A2ML1: variants seen among roughly 807,000 people sequenced by gnomAD.
A2ML1 encodes the protein alpha-2-macroglobulin like 1, also known as alpha-2-macroglobulin-like protein 1.
In A2ML1, 161 loss-of-function variants were observed where a neutral mutation model predicts 181.9. The ratio of observed to expected loss-of-function variants is 0.89; its 90% CI spans 0.78 to 1.01. The LOEUF is 1.01. A2ML1 is among the 50% of genes least tolerant of loss of function. The pLI is 0.00. For synonymous variants in A2ML1, 663 were observed against 666.8 expected (o/e 0.99, Z 0.09); for missense variants, 1,670 against 1,768.1 (o/e 0.94, Z 1.00).
At chr12:8,860,294 C>T (rs1035644748) in intron 26 of A2ML1, among the ~76,000 whole-genome samples, 22 of 152,164 alleles carry the variant, frequency 1.4e-4, no homozygotes, top group African/African-American at 5.1e-4. Flanking sequence ...TCCTCCCCAC[C>T]GACTTGGCCT....
intron 23 of A2ML1, among the ~76,000 whole-genome samples, chr12:8,856,390 G>A (rs1029656726): frequency 2.0e-5 from 3 of 152,168 alleles, no homozygotes; most frequent in African/African-American, 7.2e-5. Context: ...TTTCTTTTGT[G>A]TTCCTAGTAC....
chr12:8,864,123 G>T (rs181661028), intron 29 of A2ML1, 115 bp downstream of exon 29: 1 of 891,450 alleles, frequency 1.1e-6, no homozygotes, highest in Non-Finnish European at 1.7e-6. Flanking sequence ...GAGAGGAAAA[G>T]CCTGTGAACA....
At chr12:8,842,311 C>T (rs191385304) in intron 11 of A2ML1, among the ~76,000 whole-genome samples, 33 of 151,976 alleles carry the variant, frequency 2.2e-4, no homozygotes, top group Admixed American at 7.2e-4. Flanking sequence ...TCCGCCTCCC[C>T]GGTTCACGCC....
intron 33 of A2ML1, 95 bp downstream of exon 33, chr12:8,869,298 G>A (rs1209375953): frequency 5.4e-6 from 7 of 1,290,714 alleles, no homozygotes; most frequent in Non-Finnish European, 7.8e-6. Context: ...CACACATGGG[G>A]ATGAGGGGCC....
Position 8,846,099 on chromosome 12 carries a change from C to T in A2ML1, c.1560C>T (p.Leu520=). The T allele has an allele frequency of 6.2e-7, 1 of 1,614,174 alleles. No homozygotes were observed. Among genetic ancestry groups the T allele is most frequent in the South Asian group, 1.1e-5 (1 of 91,082 alleles). ...CAGGACTGAAAGCCTCCTTCTCTCTCTCACTGACCTTCACTTCGAGACTGG... is the reference window on the plus strand; with the variant it reads ...CAGGACTGAAAGCCTCCTTCTCTCTTTCACTGACCTTCACTTCGAGACTGG... ...KKKGLKASFS[L]SLTFTSRLAP... Residue 520 remains leucine (L), a synonymous_variant, in exon 14 of 36, where the codon CTC becomes CTT. Transcript: ENST00000299698.
At chr12:8,826,731 G>A (rs966301428) in intron 3 of A2ML1, among the ~76,000 whole-genome samples, 7 of 152,124 alleles carry the variant, frequency 4.6e-5, no homozygotes, top group African/African-American at 1.4e-4. Flanking sequence ...TGATTCTCCT[G>A]CCTCAGCCTC....
At chr12:8,839,353 T>C in intron 10 of A2ML1, 131 bp downstream of exon 10, 1 of 573,350 alleles carries the variant, frequency 1.7e-6, no homozygotes, top group Admixed American at 3.2e-5. Context: ...TTTTAATCTT[T>C]AGAATAATGC....
chr12:8,844,702 A>G (rs1043265621), intron 12 of A2ML1, among the ~76,000 whole-genome samples: 2 of 145,910 alleles, frequency 1.4e-5, no homozygotes, highest in Admixed American at 6.9e-5. Context: ...TCGTTAAGTG[A>G]AAAAAAAAAA....
rs762038761 is a variant in A2ML1 at position 8,837,355 on chromosome 12, G to C, written c.729-85G>C. 34 of 1,557,246 alleles carry C rather than the reference G, an allele frequency of 2.2e-5. No homozygotes were observed. In the South Asian group the frequency reaches 2.7e-4, roughly 12 times the overall value. ...AGCTTTCTTTCAGAGGCTGGAGTGTGAGAGGGAAGAAGTGGTGTTTGAGGG... is the reference window on the plus strand; with the variant it reads ...AGCTTTCTTTCAGAGGCTGGAGTGTCAGAGGGAAGAAGTGGTGTTTGAGGG... On this transcript the variant is annotated intron_variant, in intron 7 of 35. Transcript: ENST00000299698.
chr12:8,844,852 A>C, intron 12 of A2ML1: 1 of 394,288 alleles, frequency 2.5e-6, no homozygotes, highest in Non-Finnish European at 3.9e-6. Context: ...TGGAATGGCT[A>C]ATGCTGGGCA....
rs889350091 is a variant in A2ML1 at position 8,868,130 on chromosome 12, T to C, written c.3933+73T>C. 35 of 1,608,490 alleles carry C rather than the reference T, an allele frequency of 2.2e-5. No individual in the cohort carries two copies. In the Admixed American group the frequency reaches 5.9e-4, roughly 27 times the overall value. On this transcript the variant is annotated intron_variant, in intron 30 of 35. Transcript: ENST00000299698. ...GAGAGCATCTTCCCCTTAGGCCTTC[T>C]CTCTCTCTTTCTTTCTCACTTGTAA... is the stretch of plus-strand genomic sequence containing the variant.
chr12:8,868,421 C>T (rs1487463576), intron 31 of A2ML1, 64 bp downstream of exon 31: 1 of 1,597,388 alleles, frequency 6.3e-7, no homozygotes, highest in African/African-American at 1.4e-5. Context: ...AGCTGGGACA[C>T]TTGTGTGTGT....
In A2ML1 at chr12:8,841,376, T is replaced by C. The variant is rs1287355002; in HGVS notation, c.1088T>C (p.Val363Ala). 6.2e-7 allele frequency: 1 copy of C among 1,613,916 alleles called. No homozygotes were observed. The highest frequency in any genetic ancestry group is 8.5e-7 in the Non-Finnish European group (1 of 1,180,002). ...PNFPFSGKIR[V>A]RGHDDSFLKN... ...ATGATCTTTGTCCTTCAGATAAGAG[T>C]TAGGGGCCATGATGACTCCTTCCTC... is the stretch of plus-strand genomic sequence containing the variant. The change falls in exon 11 of 36, where the codon GTT becomes GCT. Residue 363 changes from valine (V) to alanine (A), a missense_variant. Physicochemically the swap from Val to Ala is moderately conservative, Grantham distance 64 (BLOSUM62 0). Coordinates refer to ENST00000299698, the MANE Select transcript of A2ML1 (RefSeq NM_144670.6).
chr12:8,854,893 T>C (rs1389279348), intron 22 of A2ML1, 62 bp downstream of exon 22: 12 of 1,512,448 alleles, frequency 7.9e-6, no homozygotes, highest in Non-Finnish European at 1.1e-5. Context: ...AGATTTTCTT[T>C]TCATTTTTTT....
intron 33 of A2ML1, among the ~76,000 whole-genome samples, chr12:8,873,994 G>T (rs1000431199): frequency 2.6e-5 from 4 of 151,916 alleles, no homozygotes; most frequent in African/African-American, 9.7e-5. Flanking sequence ...GGGTTTCAGA[G>T]AATCTTTTTT....
At chr12:8,839,422 TAA>T (rs1943394219) in intron 10 of A2ML1, among the ~76,000 whole-genome samples, 200 bp downstream of exon 10, 1 of 152,194 alleles carries the variant, frequency 6.6e-6, no homozygotes, top group African/African-American at 2.4e-5. Context: ...CAACAGAGGC[TAA>T]GTGATTTTTC....
rs750487471 is a variant in A2ML1 at position 8,857,978 on chromosome 12, A to G, written c.3140A>G (p.Gln1047Arg). 6.2e-7 allele frequency: 1 copy of G among 1,614,190 alleles called. No homozygotes were observed. The highest frequency in any genetic ancestry group is 8.5e-7 in the Non-Finnish European group (1 of 1,180,038). Residue 1047 changes from glutamine (Q) to arginine (R), a missense_variant, in exon 26 of 36, where the codon CAA becomes CGA. Physicochemically the swap from Gln to Arg is conservative, Grantham distance 43. Transcript: ENST00000299698. ...GCGTTTGTCACAAAATGCTTTGGCC[A>G]AGCTCAGAAATTCATCTTCATTGAT... The part of the protein sequence containing the change: ...LTAFVTKCFG[Q>R]AQKFIFIDPK...
chr12:8,884,319 T>C (rs922608479), intron 7 of A2ML1, among the ~76,000 whole-genome samples: 13 of 151,320 alleles, frequency 8.6e-5, no homozygotes, highest in Non-Finnish European at 1.9e-4. Flanking sequence ...GTTTGTTACA[T>C]AGGTAAACAC....
intron 10 of A2ML1, among the ~76,000 whole-genome samples, chr12:8,840,796 A>G (rs1047826262): frequency 2.6e-5 from 4 of 151,798 alleles, no homozygotes; most frequent in East Asian, 1.9e-4. Flanking sequence ...TAGTCCCACT[A>G]CTTGGGAGGC....
Sources: gnomAD v4.1 joint callset for allele counts (sites outside exome capture counted in the v4.1 genomes callset) on GRCh38, gnomAD v4.1.1 for gene constraint, MANE v1.5 for transcripts, NCBI Gene and HGNC (gene_info 2026-07-23, HGNC 2026-07-21) for gene names.